Variants in KLRD1 observed in about 807,000 individuals in gnomAD.
The protein encoded by KLRD1 is killer cell lectin like receptor D1, also known as natural killer cells antigen CD94.
A neutral mutation model predicts 22.6 loss-of-function variants in KLRD1; 21 were observed. That is an observed-to-expected ratio of 0.93 (90% CI 0.66 to 1.34). KLRD1 has a LOEUF of 1.34. Ranked by LOEUF, KLRD1 falls within the 40% of genes most tolerant of loss-of-function variation. The pLI is 0.00. For synonymous variants in KLRD1, 59 were observed against 71.1 expected, an observed-to-expected ratio of 0.83 and a Z score of 0.85; for missense variants, 183 against 208.6, an observed-to-expected ratio of 0.88 and a Z score of 0.76.
chr12:10,296,963 C>T (rs142252127), intron 1 of KLRD1, among the ~76,000 whole-genome samples: 141 of 152,220 alleles, frequency 9.3e-4, no homozygotes, highest in African/African-American at 3.1e-3. Flanking sequence ...GTTAAGTGTG[C>T]GGTAGTTATG....
At chr12:10,289,919 C>A (rs1949750444) in intron 1 of KLRD1, among the ~76,000 whole-genome samples, 2 of 152,128 alleles carry the variant, frequency 1.3e-5, no homozygotes, top group Non-Finnish European at 2.9e-5. Context: ...GCTGGGATTA[C>A]AGGCATGCAC....
upstream of KLRD1, among the ~76,000 whole-genome samples, chr12:10,304,944 G>A (rs1276755158): frequency 1.3e-5 from 2 of 152,190 alleles, no homozygotes; most frequent in Non-Finnish European, 2.9e-5. Context: ...GCAGCCTGAT[G>A]TGAGCAATTT....
At chr12:10,311,270 A>G (rs960172247) in intron 3 of KLRD1, among the ~76,000 whole-genome samples, 194 bp from the exon 4 acceptor site, 1 of 152,234 alleles carries the variant, frequency 6.6e-6, no homozygotes, top group African/African-American at 2.4e-5. Flanking sequence ...TATCTCTAGA[A>G]TATAATCTCC....
intron 1 of KLRD1, among the ~76,000 whole-genome samples, chr12:10,269,971 G>C (rs754337952): frequency 6.6e-6 from 1 of 151,944 alleles, no homozygotes; most frequent in Non-Finnish European, 1.5e-5. Context: ...CTATTAAATT[G>C]CTCTTTCAAA....
At chr12:10,288,794 T>C (rs1328055914) in intron 1 of KLRD1, among the ~76,000 whole-genome samples, 1 of 152,222 alleles carries the variant, frequency 6.6e-6, no homozygotes, top group Non-Finnish European at 1.5e-5. Flanking sequence ...GCAATAATCC[T>C]TTATAAGACT....
At chr12:10,260,425 T>C (rs1287305756) in intron 1 of KLRD1, among the ~76,000 whole-genome samples, 3 of 152,200 alleles carry the variant, frequency 2.0e-5, no homozygotes, top group Admixed American at 1.3e-4. Flanking sequence ...TTTGATAGTA[T>C]GTAGTTTGAT....
At position 10,318,420 on chromosome 12, in the gene KLRD1, A is replaced by T. The variant is rs1592101984; in HGVS notation, c.*3627A>T. The T allele has an allele frequency of 6.6e-6, 1 of 152,190 alleles. No individual in the cohort carries two copies. Among genetic ancestry groups the T allele is most frequent in the East Asian group, 1.9e-4 (1 of 5,196 alleles). The allele number at this position is 152,190 out of a possible 1,614,324, so 9.4% of individuals were successfully genotyped here. A position where few individuals can be genotyped will look rare whatever the true frequency, so the allele number is the denominator to read the frequency against. ...AAATTTCAGTTTCAGCTCTCATGAA[A>T]CCAAGTTTCATCTCACAAATATCAG... On this transcript the variant is annotated 3_prime_UTR_variant, in exon 6 of 6. Coordinates refer to ENST00000336164, the MANE Select transcript of KLRD1 (RefSeq NM_002262.5).
chr12:10,309,700 T>A lies in KLRD1; in HGVS notation c.163+12T>A. The A allele has an allele frequency of 6.2e-7, 1 of 1,604,392 alleles. No individual in the cohort carries two copies. The highest frequency in any genetic ancestry group is 8.5e-7 in the Non-Finnish European group (1 of 1,171,652). ...AGAACTCCAGAAAGGTAGGTCACAT[T>A]TTTTGGAAAACTTAGCATTGGTAAA... On this transcript the variant is annotated intron_variant, in intron 3 of 5. Transcript: ENST00000336164.
chr12:10,252,792 G>A (rs972696276), intron 1 of KLRD1, among the ~76,000 whole-genome samples: 1 of 152,074 alleles, frequency 6.6e-6, no homozygotes, highest in Non-Finnish European at 1.5e-5. Context: ...GAAGAAGAAT[G>A]GTGGGGGTGG....
chr12:10,312,011 T>C (rs1950082960), intron 4 of KLRD1, among the ~76,000 whole-genome samples: 1 of 151,804 alleles, frequency 6.6e-6, no homozygotes, highest in Non-Finnish European at 1.5e-5. Context: ...TAAGCTAGTA[T>C]GGAAATATGG....
chr12:10,323,581 A>C lies in KLRD1; in HGVS notation c.*8788A>C, dbSNP rs904856085. On this transcript the variant is annotated 3_prime_UTR_variant, in exon 6 of 6. Coordinates refer to ENST00000336164, the MANE Select transcript of KLRD1 (RefSeq NM_002262.5). ...AAAGTATGACATTTGATGTATTTCC[A>C]TATCTATGCATCTGTGAAACCATCA... 2 of 152,060 alleles carry C rather than the reference A, an allele frequency of 1.3e-5. No individual in the cohort carries two copies. Among genetic ancestry groups the C allele is most frequent in the African/African-American group, 4.8e-5 (2 of 41,410 alleles). The allele number at this position is 152,060 out of a possible 1,614,324, so 9.4% of individuals were successfully genotyped here. A position where few individuals can be genotyped will look rare whatever the true frequency, so the allele number is the denominator to read the frequency against.
At chr12:10,275,946 A>G (rs1345707087) in intron 1 of KLRD1, among the ~76,000 whole-genome samples, 1 of 152,140 alleles carries the variant, frequency 6.6e-6, no homozygotes, top group African/African-American at 2.4e-5. Flanking sequence ...TTCCTCCTAG[A>G]ATTAATCATT....
At position 10,322,661 on chromosome 12, in the gene KLRD1, T is replaced by C. The variant is rs141124480; in HGVS notation, c.*7868T>C. ...TCATTTACACTAAATACTTCATTGA[T>C]TACAGTTTACCTCTTCATATATTTT... On this transcript the variant is annotated 3_prime_UTR_variant, in exon 6 of 6. Coordinates refer to ENST00000336164, the MANE Select transcript of KLRD1 (RefSeq NM_002262.5). The C allele has an allele frequency of 3.3e-5, 5 of 152,314 alleles. No homozygotes were observed. The highest frequency in any genetic ancestry group is 1.2e-4 in the African/African-American group (5 of 41,560). The allele number at this position is 152,314 out of a possible 1,614,324, so 9.4% of individuals were successfully genotyped here. A position where few individuals can be genotyped will look rare whatever the true frequency, so the allele number is the denominator to read the frequency against.
At chr12:10,293,179 C>G (rs1464996197) in intron 1 of KLRD1, among the ~76,000 whole-genome samples, 3 of 6,446 alleles carry the variant, frequency 4.7e-4, no homozygotes. Context: ...CACATATACA[C>G]ATAATTCGCA....
chr12:10,276,017 A>T (rs1173964928), intron 1 of KLRD1, among the ~76,000 whole-genome samples: 1 of 152,054 alleles, frequency 6.6e-6, no homozygotes, highest in Admixed American at 6.5e-5. Context: ...TATTTTAATT[A>T]TATTTGTGTG....
intron 1 of KLRD1, among the ~76,000 whole-genome samples, chr12:10,277,114 GTTTTTTTTTTTTT>G (rs36020833): frequency 2.6e-5 from 3 of 115,362 alleles, no homozygotes; most frequent in Non-Finnish European, 5.3e-5. Context: ...GCCTCACAGA[GTTTTTTTTTTTTT>G]TTTTTTTTTT....
upstream of KLRD1, among the ~76,000 whole-genome samples, chr12:10,301,719 T>G (rs1323317194): frequency 3.3e-5 from 5 of 152,214 alleles, no homozygotes; most frequent in Non-Finnish European, 7.3e-5. Context: ...TAAAATTGCC[T>G]TCTAAGACAT....
intron 1 of KLRD1, among the ~76,000 whole-genome samples, chr12:10,245,771 T>C (rs1190348259): frequency 6.6e-6 from 1 of 152,178 alleles, no homozygotes; most frequent in African/African-American, 2.4e-5. Flanking sequence ...GTACTTTATT[T>C]CCTATTATAG....
chr12:10,283,083 G>A (rs1801547686), intron 1 of KLRD1, among the ~76,000 whole-genome samples: 1 of 152,202 alleles, frequency 6.6e-6, no homozygotes, highest in Non-Finnish European at 1.5e-5. Context: ...TCAAACAGTT[G>A]GAGAAATCTA....
Sources: allele counts gnomAD v4.1 joint callset (sites outside exome capture counted in the v4.1 genomes callset), GRCh38; gene constraint gnomAD v4.1.1; transcripts MANE v1.5; gene names NCBI Gene and HGNC (gene_info 2026-07-23, HGNC 2026-07-21).